The following DSC3 variants were observed in gnomAD, a reference collection of about 807,000 sequenced individuals.
DSC3 encodes the protein desmocollin-3.
A neutral mutation model predicts 89.5 loss-of-function variants in DSC3; 97 were observed. The ratio of observed to expected loss-of-function variants is 1.08; its 90% confidence interval spans 0.92 to 1.28. The LOEUF (loss-of-function observed/expected upper bound fraction) is 1.28. Among genes scored for constraint, DSC3 ranks in the 50% most tolerant of loss-of-function variants. The pLI is 0.00. For synonymous variants in DSC3, 436 were observed against 384.1 expected, an observed-to-expected ratio of 1.14 and a Z score of -1.58; for missense variants, 1,199 against 1,085.3, an observed-to-expected ratio of 1.10 and a Z score of -1.47.
intron 9 of DSC3, among the ~76,000 whole-genome samples, chr18:31,012,081 GC>G (rs1277447655): frequency 6.6e-6 from 1 of 150,978 alleles, no homozygotes; most frequent in African/African-American, 2.4e-5. Context: ...TATCAAAGGA[GC>G]CCTGTGATAA....
chr18:31,022,498 A>G lies in DSC3; in HGVS notation c.780T>C (p.Thr260=). 6.2e-7 allele frequency: 1 copy of G among 1,614,024 alleles called. No individual in the cohort carries two copies. The highest frequency in any genetic ancestry group is 1.1e-5 in the South Asian group (1 of 91,084). Residue 260 remains threonine, a synonymous_variant, in exon 7 of 16, where the codon ACT becomes ACC. Transcript: ENST00000360428. ...FEVLESSRPG[T]TVGVVCATDR... ...CTGTGGCACAAACCACCCCCACTGT[A>G]GTACCTACACATTAAAAAATAAAAC...
intron 14 of DSC3, 26 bp downstream of exon 14, chr18:31,001,591 AT>A: frequency 6.2e-7 from 1 of 1,605,318 alleles, no homozygotes. Context: ...GGAGATACAA[AT>A]ACATATTTAT....
chr18:31,013,531 A>G (rs1985138700), intron 9 of DSC3, among the ~76,000 whole-genome samples: 1 of 152,192 alleles, frequency 6.6e-6, no homozygotes, highest in Non-Finnish European at 1.5e-5. Flanking sequence ...AAAAATTGGT[A>G]AAAATATTTG....
At chr18:31,010,215 C>T (rs1357914606) in intron 9 of DSC3, among the ~76,000 whole-genome samples, 3 of 152,084 alleles carry the variant, frequency 2.0e-5, no homozygotes, top group African/African-American at 7.2e-5. Context: ...TATGTAAAAC[C>T]TTTTTTTATT....
At chr18:31,033,865 C>G (rs1431931518) in intron 1 of DSC3, among the ~76,000 whole-genome samples, 1 of 152,166 alleles carries the variant, frequency 6.6e-6, no homozygotes, top group Non-Finnish European at 1.5e-5. Context: ...GCTCTGTCGC[C>G]CAGTCTGGAG....
intron 14 of DSC3, among the ~76,000 whole-genome samples, chr18:31,001,249 G>A (rs1984649827): frequency 1.3e-5 from 2 of 151,272 alleles, no homozygotes; most frequent in Non-Finnish European, 3.0e-5. Context: ...TAGCTATCTT[G>A]AGAACTTTTA....
At chr18:31,022,949 A>G (rs901992670) in intron 6 of DSC3, among the ~76,000 whole-genome samples, 5 of 152,198 alleles carry the variant, frequency 3.3e-5, no homozygotes, top group African/African-American at 1.2e-4. Flanking sequence ...GTTGACCTTT[A>G]GTAGTCCAGC....
At chr18:31,034,526 C>T (rs1985909347) in intron 1 of DSC3, among the ~76,000 whole-genome samples, 1 of 152,120 alleles carries the variant, frequency 6.6e-6, no homozygotes, top group Non-Finnish European at 1.5e-5. Flanking sequence ...GTCCACTCTT[C>T]CTAAAAGACA....
intron 1 of DSC3, among the ~76,000 whole-genome samples, chr18:31,041,457 T>G (rs1586958): frequency 1.2e-4 from 19 of 152,152 alleles, no homozygotes; most frequent in African/African-American, 4.6e-4. Context: ...TCGCTGACCT[T>G]AAGGGAGGAC....
chr18:30,997,108 G>A, intron 14 of DSC3, 60 bp from the exon 15 acceptor site: 1 of 1,581,758 alleles, frequency 6.3e-7, no homozygotes, highest in Non-Finnish European at 8.7e-7. Flanking sequence ...GTTGTCATGA[G>A]AAGGCAAAGG....
rs276940 is a variant in DSC3, at chr18:31,029,804, C to T, written c.355-176G>A. 0.5 allele frequency among the ~76,000 whole-genome samples: 76,320 copies of T among 151,942 alleles called. 19,919 individuals are homozygous for T. Among genetic ancestry groups the T allele is most frequent in the East Asian group, 0.88 (4,554 of 5,160 alleles). On this transcript the variant is annotated intron_variant, in intron 3 of 15. Transcript: ENST00000360428. ...TCTGCATTAGAAGGGTAAGAAAGAA[C>T]ATATCCAGATTTTAAAGGTTTCAAG...
chr18:31,001,617 C>A lies in DSC3; in HGVS notation c.2235+1G>T, dbSNP rs763921796. The A allele has an allele frequency of 2.5e-6, 4 of 1,608,698 alleles. 1 individual carries two copies. The South Asian group carries it at 4.4e-5, about 18-fold the overall frequency. ...TACATATTTATTTAAAAATTACTTACCACTCTATCGTCTCCAGGTGCTTCT... is the reference window on the plus strand; with the variant it reads ...TACATATTTATTTAAAAATTACTTAACACTCTATCGTCTCCAGGTGCTTCT... On this transcript the variant is annotated splice_donor_variant, in intron 14 of 15. Coordinates refer to ENST00000360428, the MANE Select transcript of DSC3 (RefSeq NM_001941.5). LOFTEE classifies it high-confidence loss of function.
At chr18:31,038,748 T>C (rs1250795531) in intron 1 of DSC3, among the ~76,000 whole-genome samples, 1 of 152,094 alleles carries the variant, frequency 6.6e-6, no homozygotes, top group East Asian at 1.9e-4. Context: ...AAAATGAACA[T>C]TAGGGTATTC....
At chr18:31,034,121 G>A (rs1269889711) in intron 1 of DSC3, among the ~76,000 whole-genome samples, 1 of 152,108 alleles carries the variant, frequency 6.6e-6, no homozygotes, top group African/African-American at 2.4e-5. Flanking sequence ...CACCGCGCCC[G>A]GCCTGAAGAA....
At chr18:31,015,448 C>T (rs915871470) in intron 9 of DSC3, among the ~76,000 whole-genome samples, 3 of 152,158 alleles carry the variant, frequency 2.0e-5, no homozygotes, top group African/African-American at 4.8e-5. Flanking sequence ...TACAAAAGAA[C>T]ATTGAGTACA....
At chr18:31,025,715 C>T (rs769609010) in intron 5 of DSC3, 45 bp downstream of exon 5, 6 of 1,582,832 alleles carry the variant, frequency 3.8e-6, no homozygotes, top group South Asian at 1.1e-5. Context: ...TCAGAAGAAA[C>T]ATAGTTTAAT....
chr18:31,037,366 A>G (rs867291381), intron 1 of DSC3, among the ~76,000 whole-genome samples: 2 of 152,144 alleles, frequency 1.3e-5, no homozygotes, highest in Non-Finnish European at 2.9e-5. Context: ...CAAAATGACA[A>G]CTAGGTTTCT....
Position 30,995,100 on chromosome 18 carries a change from T to C in DSC3, c.2494-728A>G, listed in dbSNP as rs137951696. On this transcript the variant is annotated intron_variant, in intron 15 of 15. Transcript: ENST00000360428. The stretch of plus-strand genomic sequence containing the variant: ...GCTTTTATAATGAAGACGCCATGCA[T>C]TCAGCCACATCTACCCTCTCTGCCA... 9.2e-5 allele frequency among the ~76,000 whole-genome samples: 14 copies of C among 152,328 alleles called. No individual in the cohort carries two copies. In the East Asian group the frequency reaches 2.7e-3, roughly 29 times the overall value.
chr18:30,994,026 C>A lies in DSC3; in HGVS notation c.*149G>T, dbSNP rs1259261920. 1 of 785,656 alleles carries A rather than the reference C, an allele frequency of 1.3e-6. No individual in the cohort carries two copies. The highest frequency in any genetic ancestry group is 2.0e-6 in the Non-Finnish European group (1 of 490,160). The allele number at this position is 785,656 out of a possible 1,614,324, so 48.7% of individuals were successfully genotyped here. On this transcript the variant is annotated 3_prime_UTR_variant, in exon 16 of 16. Coordinates refer to ENST00000360428, the MANE Select transcript of DSC3 (RefSeq NM_001941.5). ...ACTTTTTGGAAAAGATAAGCAACAA[C>A]TTGCTTTAAAAATATAAATTGGTGA...
Sources: gnomAD v4.1 joint callset for allele counts (sites outside exome capture counted in the v4.1 genomes callset) on GRCh38, gnomAD v4.1.1 for gene constraint, MANE v1.5 for transcripts, NCBI Gene and HGNC (gene_info 2026-07-23, HGNC 2026-07-21) for gene names.